The following SPATA16 variants were observed in gnomAD, a reference collection of about 807,000 sequenced individuals.
SPATA16 encodes spermatogenesis-associated protein 16.
SPATA16 carries 36 observed loss-of-function variants against 63.3 expected under a neutral mutation model. The ratio of observed to expected loss-of-function variants is 0.57; its 90% CI spans 0.44 to 0.75. The LOEUF is 0.75. Among genes scored for constraint, SPATA16 ranks in the 30% least tolerant of loss-of-function variants. The pLI is 0.00. For synonymous variants in SPATA16, 203 were observed against 216.7 expected (o/e 0.94, Z 0.56); for missense variants, 646 against 679.3 (o/e 0.95, Z 0.54).
At chr3:173,129,830 A>C (rs1336190646) in intron 1 of SPATA16, among the ~76,000 whole-genome samples, 7 of 152,138 alleles carry the variant, frequency 4.6e-5, no homozygotes, top group Admixed American at 4.6e-4. Flanking sequence ...TGGCTGACCT[A>C]CCTTCCAGTG....
At chr3:172,938,242 G>A (rs1733057536) in intron 6 of SPATA16, among the ~76,000 whole-genome samples, 1 of 152,192 alleles carries the variant, frequency 6.6e-6, no homozygotes, top group Non-Finnish European at 1.5e-5. Flanking sequence ...ACAAGAGAAT[G>A]AGGAGAGGTA....
intron 9 of SPATA16, among the ~76,000 whole-genome samples, chr3:172,914,131 T>C (rs1732429625): frequency 6.6e-6 from 1 of 152,182 alleles, no homozygotes. Flanking sequence ...ATTCTAGGCA[T>C]CAAGCAAAAG....
chr3:173,090,628 TTTTC>T (rs1386277930), intron 2 of SPATA16, among the ~76,000 whole-genome samples: 3 of 152,076 alleles, frequency 2.0e-5, no homozygotes, highest in Non-Finnish European at 4.4e-5. Context: ...AAAATGCAGG[TTTTC>T]TGATTGCAGT....
In SPATA16 at chr3:173,042,088, C is replaced by T. The variant is rs1438588793; in HGVS notation, c.758+6861G>A. Among the ~76,000 whole-genome samples the T allele has an allele frequency of 3.3e-5, 5 of 152,142 alleles. 1 individual carries two copies. The South Asian group carries it at 6.2e-4, about 19-fold the overall frequency. On this transcript the variant is annotated intron_variant, in intron 3 of 10. Transcript: ENST00000351008. Reference sequence around the variant, plus strand: ...TCACGGGTATCTGTAATGCTTTAAGCGAATATCACCTTTGATCATAATTAT... The same window carrying T: ...TCACGGGTATCTGTAATGCTTTAAGTGAATATCACCTTTGATCATAATTAT...
intron 2 of SPATA16, among the ~76,000 whole-genome samples, chr3:173,094,037 CTTTT>C (rs1042953539): frequency 1.5e-5 from 2 of 134,698 alleles, no homozygotes; most frequent in African/African-American, 5.9e-5. Flanking sequence ...TATTCAATTC[CTTTT>C]TCTTTTTTTT....
At chr3:173,135,628 A>T (rs569605170) in intron 1 of SPATA16, among the ~76,000 whole-genome samples, 1 of 152,248 alleles carries the variant, frequency 6.6e-6, no homozygotes, top group Non-Finnish European at 1.5e-5. Context: ...TACAACTACA[A>T]GCAACCACAT....
At chr3:173,022,485 A>G (rs1032459015) in intron 3 of SPATA16, among the ~76,000 whole-genome samples, 2 of 152,206 alleles carry the variant, frequency 1.3e-5, no homozygotes, top group Non-Finnish European at 2.9e-5. Context: ...CTGTGTGCTT[A>G]TCTTACGCCC....
At position 173,014,392 on chromosome 3, in the gene SPATA16, A is replaced by G. The variant is rs917786163; in HGVS notation, c.848+5094T>C. Among the ~76,000 whole-genome samples, 66 of 152,240 alleles carry G rather than the reference A, an allele frequency of 4.3e-4. 1 individual carries two copies. The highest frequency in any genetic ancestry group is 7.3e-5 in the Non-Finnish European group (5 of 68,038). On this transcript the variant is annotated intron_variant, in intron 4 of 10. Coordinates refer to ENST00000351008, the MANE Select transcript of SPATA16 (RefSeq NM_031955.6). ...AGTAGGAGCTAAACTTTGGGTACTT[A>G]TGGACATAAAGATGGAAACAATAAA...
intron 2 of SPATA16, among the ~76,000 whole-genome samples, chr3:173,066,373 A>G (rs11923700): frequency 0.17 from 26,403 of 152,090 alleles, 2,413 homozygotes; most frequent in South Asian, 0.23. Flanking sequence ...TGTCTGCAAG[A>G]CTTCAGATGT....
At chr3:172,952,926 G>A (rs1208201372) in intron 6 of SPATA16, among the ~76,000 whole-genome samples, 2 of 123,238 alleles carry the variant, frequency 1.6e-5, no homozygotes, top group Non-Finnish European at 3.2e-5. Flanking sequence ...GCAATAGAGT[G>A]AGACTCCATC....
intron 10 of SPATA16, 57 bp downstream of exon 10, chr3:172,913,604 A>G: frequency 6.4e-7 from 1 of 1,555,710 alleles, no homozygotes; most frequent in Non-Finnish European, 8.9e-7. Flanking sequence ...GATTTGACCC[A>G]AAATGGACAT....
chr3:173,009,383 C>T (rs1735008615), intron 4 of SPATA16, among the ~76,000 whole-genome samples: 1 of 152,186 alleles, frequency 6.6e-6, no homozygotes, highest in Non-Finnish European at 1.5e-5. Context: ...ATAAGAGCTC[C>T]TGGGGGATCC....
chr3:173,026,154 T>C (rs967636883), intron 3 of SPATA16, among the ~76,000 whole-genome samples: 4 of 151,860 alleles, frequency 2.6e-5, no homozygotes, highest in African/African-American at 7.2e-5. Flanking sequence ...TGGTATCTCA[T>C]TGTGGCTTTA....
chr3:173,059,821 C>A (rs566875227), intron 2 of SPATA16, among the ~76,000 whole-genome samples: 6 of 143,062 alleles, frequency 4.2e-5, no homozygotes, highest in South Asian at 2.2e-4. Context: ...TGTCTCTATC[C>A]CATTTGGTAG....
chr3:173,014,916 G>A (rs536713006), intron 4 of SPATA16, among the ~76,000 whole-genome samples: 13 of 152,230 alleles, frequency 8.5e-5, no homozygotes, highest in South Asian at 4.1e-4. Flanking sequence ...ACTGTAGTTC[G>A]CAGAACATAT....
At chr3:172,896,365 T>C (rs1217618768) in intron 10 of SPATA16, among the ~76,000 whole-genome samples, 2 of 152,072 alleles carry the variant, frequency 1.3e-5, no homozygotes, top group Non-Finnish European at 2.9e-5. Flanking sequence ...GGACTATAGG[T>C]GCCCGCCACC....
chr3:173,023,046 G>A (rs922339216), intron 3 of SPATA16, among the ~76,000 whole-genome samples: 1 of 151,820 alleles, frequency 6.6e-6, no homozygotes, highest in Non-Finnish European at 1.5e-5. Flanking sequence ...TTTGTTACCT[G>A]TGGTAAATCT....
rs139192958 is a variant in SPATA16, at chr3:173,140,621, A to G, written c.-19+482T>C. Reference sequence around the variant, plus strand: ...TTGACGTTCAATGTCTTCAATCCACAGTAATATTATGCGTTAAGGAGACAA... The same window carrying G: ...TTGACGTTCAATGTCTTCAATCCACGGTAATATTATGCGTTAAGGAGACAA... On this transcript the variant is annotated intron_variant, in intron 1 of 10. Coordinates refer to ENST00000351008, the MANE Select transcript of SPATA16 (RefSeq NM_031955.6). Among the ~76,000 whole-genome samples the G allele has an allele frequency of 6.5e-3, 988 of 152,304 alleles. 10 individuals are homozygous for G. The highest frequency in any genetic ancestry group is 0.022 in the African/African-American group (923 of 41,546).
At chr3:172,917,349 A>C (rs1017970529) in intron 8 of SPATA16, among the ~76,000 whole-genome samples, 4 of 152,244 alleles carry the variant, frequency 2.6e-5, no homozygotes, top group African/African-American at 9.6e-5. Context: ...AAGGGTTAAC[A>C]TAAAAGCCTT....
Sources: gnomAD v4.1 joint callset for allele counts (sites outside exome capture counted in the v4.1 genomes callset) on GRCh38, gnomAD v4.1.1 for gene constraint, MANE v1.5 for transcripts, NCBI Gene and HGNC (gene_info 2026-07-23, HGNC 2026-07-21) for gene names.